The following CPT1A variants were observed in gnomAD, a reference collection of about 807,000 sequenced individuals.
The protein encoded by CPT1A is carnitine palmitoyltransferase 1A.
In CPT1A, 64 loss-of-function variants were observed where a neutral mutation model predicts 100.8. The ratio of observed to expected loss-of-function variants is 0.63; its 90% CI spans 0.52 to 0.78. The LOEUF (loss-of-function observed/expected upper bound fraction) is 0.78, where lower values mean the gene tolerates loss of function less well. Ranked by LOEUF, CPT1A falls within the 30% of genes least tolerant of loss-of-function variation. The pLI is 0.00. For synonymous variants in CPT1A, 363 were observed against 396.0 expected (o/e 0.92, Z 0.99); for missense variants, 802 against 1,034.1 (o/e 0.78, Z 3.08).
At chr11:68,803,421 CA>C (rs1273413767) in intron 5 of CPT1A, among the ~76,000 whole-genome samples, 1 of 152,184 alleles carries the variant, frequency 6.6e-6, no homozygotes, top group Non-Finnish European at 1.5e-5. Context: ...TGTAAAGTAG[CA>C]AAAACTGGCC....
chr11:68,759,882 C>T (rs1219607572), intron 17 of CPT1A, among the ~76,000 whole-genome samples: 1 of 151,318 alleles, frequency 6.6e-6, no homozygotes, highest in Non-Finnish European at 1.5e-5. Context: ...TACACACACA[C>T]ACACAAATTA....
At chr11:68,787,149 G>C (rs1855485189) in intron 9 of CPT1A, among the ~76,000 whole-genome samples, 1 of 152,128 alleles carries the variant, frequency 6.6e-6, no homozygotes, top group African/African-American at 2.4e-5. Flanking sequence ...AATACAGCTG[G>C]GTAGTGGCTG....
At chr11:68,803,720 A>C (rs1265125024) in intron 5 of CPT1A, among the ~76,000 whole-genome samples, 3 of 102,882 alleles carry the variant, frequency 2.9e-5, no homozygotes, top group African/African-American at 1.1e-4. Flanking sequence ...CAAAAAATAA[A>C]ATAAAATAAA....
intron 12 of CPT1A, 110 bp from the exon 13 acceptor site, chr11:68,775,542 C>A: frequency 1.1e-6 from 1 of 873,974 alleles, no homozygotes. Context: ...AAGTTTGAAT[C>A]ACAGCTGTTA....
intron 1 of CPT1A, among the ~76,000 whole-genome samples, chr11:68,820,411 G>C (rs931218030): frequency 6.6e-6 from 1 of 152,022 alleles, no homozygotes; most frequent in Admixed American, 6.6e-5. Flanking sequence ...GGCTTGGTGC[G>C]GTGGCTCATG....
chr11:68,831,599 C>T (rs1856882087), intron 1 of CPT1A, among the ~76,000 whole-genome samples: 1 of 151,316 alleles, frequency 6.6e-6, no homozygotes, highest in Non-Finnish European at 1.5e-5. Context: ...CATAAAGATT[C>T]CTTTTTGTGC....
intron 1 of CPT1A, among the ~76,000 whole-genome samples, chr11:68,821,688 T>C (rs1856586157): frequency 6.6e-6 from 1 of 152,248 alleles, no homozygotes; most frequent in African/African-American, 2.4e-5. Flanking sequence ...TATTTTGTAT[T>C]ATTTTTTGTT....
At chr11:68,807,927 G>C (rs375198802) in intron 3 of CPT1A, among the ~76,000 whole-genome samples, 1 of 152,220 alleles carries the variant, frequency 6.6e-6, no homozygotes, top group Non-Finnish European at 1.5e-5. Flanking sequence ...CGATCTGCTC[G>C]GGTGGCCTCG....
intron 9 of CPT1A, 27 bp downstream of exon 9, chr11:68,793,288 A>C: frequency 1.3e-6 from 2 of 1,552,780 alleles, no homozygotes; most frequent in Non-Finnish European, 1.8e-6. Flanking sequence ...CCGATTCTCC[A>C]GGGGGCCCTG....
At chr11:68,816,397 G>A (rs958859214) in intron 1 of CPT1A, among the ~76,000 whole-genome samples, 6 of 152,200 alleles carry the variant, frequency 3.9e-5, no homozygotes, top group Non-Finnish European at 7.3e-5. Context: ...GAAACGGAAC[G>A]TGCCTTGGCG....
chr11:68,807,446 GC>G lies in CPT1A; in HGVS notation c.453+20del. 1 of 1,611,100 alleles carries G rather than the reference GC, an allele frequency of 6.2e-7. No individual in the cohort carries two copies. The highest frequency in any genetic ancestry group is 1.1e-5 in the South Asian group (1 of 90,610). On this transcript the variant is annotated intron_variant, in intron 4 of 18. Transcript: ENST00000265641. ...GCCCAAACTGTCCACCCCCTCCACA[GC>G]CAGAGGGACACGCAATTACCATCCA...
intron 14 of CPT1A, among the ~76,000 whole-genome samples, chr11:68,765,877 C>CTT (rs752519546): frequency 6.3e-5 from 9 of 143,756 alleles, no homozygotes; most frequent in East Asian, 4.0e-4. Context: ...GAGGGGCTAC[C>CTT]TTTTTTTTTT....
chr11:68,803,914 G>A (rs1855975356), intron 5 of CPT1A, 86 bp downstream of exon 5: 1 of 1,060,066 alleles, frequency 9.4e-7, no homozygotes, highest in Non-Finnish European at 1.5e-6. Context: ...GAGCCAAATG[G>A]CGGTGACCTA....
chr11:68,839,851 G>A (rs184567476), intron 1 of CPT1A, among the ~76,000 whole-genome samples: 19 of 152,338 alleles, frequency 1.2e-4, no homozygotes, highest in Admixed American at 1.2e-3. Context: ...CGCAGCAGCC[G>A]CAGCAGTATC....
intron 1 of CPT1A, among the ~76,000 whole-genome samples, chr11:68,831,637 CT>C (rs11372679): frequency 1.0e-3 from 148 of 142,800 alleles, no homozygotes; most frequent in East Asian, 1.2e-3. Flanking sequence ...CAGCACATTC[CT>C]TTTTTTTTTT....
chr11:68,802,025 A>C (rs1490288001), intron 5 of CPT1A, among the ~76,000 whole-genome samples: 2 of 152,298 alleles, frequency 1.3e-5, no homozygotes, highest in East Asian at 1.9e-4. Context: ...CTAGTCACAA[A>C]AGGCCACGTG....
chr11:68,783,020 G>A (rs1345813249), intron 10 of CPT1A, among the ~76,000 whole-genome samples: 1 of 152,140 alleles, frequency 6.6e-6, no homozygotes. Context: ...GGCTCTGAGA[G>A]GAGGGCATCG....
chr11:68,832,941 G>T (rs752641273), intron 1 of CPT1A, among the ~76,000 whole-genome samples: 4 of 152,220 alleles, frequency 2.6e-5, no homozygotes. Flanking sequence ...TGGAGAAGGC[G>T]CTGTAGGCAG....
intron 10 of CPT1A, among the ~76,000 whole-genome samples, chr11:68,784,370 G>A (rs2153998316): frequency 6.6e-6 from 1 of 152,280 alleles, no homozygotes; most frequent in South Asian, 2.1e-4. Flanking sequence ...AGACCAGCCT[G>A]GCCAACATGG....
Sources: allele counts gnomAD v4.1 joint callset (sites outside exome capture counted in the v4.1 genomes callset), GRCh38; gene constraint gnomAD v4.1.1; transcripts MANE v1.5; gene names NCBI Gene and HGNC (gene_info 2026-07-23, HGNC 2026-07-21).